RAPH1: variants seen among roughly 807,000 people sequenced by gnomAD.
RAPH1 encodes Ras association (RalGDS/AF-6) and pleckstrin homology domains 1.
A neutral mutation model predicts 88.1 loss-of-function variants in RAPH1; 18 were observed. That is an observed-to-expected ratio of 0.20 (90% confidence interval 0.14 to 0.30). RAPH1 has a LOEUF of 0.30. RAPH1 is among the 10% of genes least tolerant of loss of function. RAPH1 has a pLI of 1.00. For missense variants in RAPH1, 1,448 were observed against 1,543.2 expected, an observed-to-expected ratio of 0.94 and a Z score of 1.03; for synonymous variants, 587 against 559.0, an observed-to-expected ratio of 1.05 and a Z score of -0.71.
chr2:203,529,476 C>G (rs990145023), intron 1 of RAPH1, among the ~76,000 whole-genome samples: 5 of 152,174 alleles, frequency 3.3e-5, no homozygotes, highest in African/African-American at 1.2e-4. Flanking sequence ...ATTCTCCTGC[C>G]TCAGCCTCCT....
chr2:203,448,915 T>C lies in RAPH1; in HGVS notation c.1414-79A>G. The C allele has an allele frequency of 1.1e-6, 1 of 903,316 alleles. No homozygotes were observed. The highest frequency in any genetic ancestry group is 1.7e-6 in the Non-Finnish European group (1 of 583,508). 56.0% of individuals were successfully genotyped at this position (903,316 alleles called of 1,614,324 possible). A position where few individuals can be genotyped will look rare whatever the true frequency, so the allele number is the denominator to read the frequency against. On this transcript the variant is annotated intron_variant, in intron 10 of 13. Transcript: ENST00000319170. This position sits in a 1 kb window ranked among gnomAD's most constrained non-coding sequence, Gnocchi z 4.1. ...CAAACTTTATCAAAGCTTAAACATA[T>C]CCTGACAAGTTATAGGCCATTAGAG...
chr2:203,484,126 A>G (rs1172722874), intron 4 of RAPH1, among the ~76,000 whole-genome samples: 1 of 152,188 alleles, frequency 6.6e-6, no homozygotes, highest in Non-Finnish European at 1.5e-5. Flanking sequence ...ATCCAAATAG[A>G]GATATTGATT....
At chr2:203,457,439 C>T in intron 8 of RAPH1, 91 bp downstream of exon 8, 1 of 979,986 alleles carries the variant, frequency 1.0e-6, no homozygotes, top group South Asian at 1.3e-5. Context: ...TCACCTCAGC[C>T]TCCCGAAGTG....
chr2:203,518,400 T>G (rs1276038199), intron 1 of RAPH1, among the ~76,000 whole-genome samples: 3 of 151,302 alleles, frequency 2.0e-5, no homozygotes, highest in Non-Finnish European at 4.4e-5. Flanking sequence ...CACCTGGAAT[T>G]CCAGCTACTT....
intron 4 of RAPH1, among the ~76,000 whole-genome samples, chr2:203,484,364 C>T (rs965157371): frequency 2.6e-5 from 4 of 152,104 alleles, no homozygotes; most frequent in Non-Finnish European, 4.4e-5. Flanking sequence ...TATTTTGGGC[C>T]AGATAATTAT....
intron 2 of RAPH1, among the ~76,000 whole-genome samples, chr2:203,494,154 C>T (rs1378068477): frequency 6.6e-6 from 1 of 152,078 alleles, no homozygotes; most frequent in Non-Finnish European, 1.5e-5. Context: ...GTAATTTAAG[C>T]TTCCACCTTG....
chr2:203,517,606 A>T (rs1005065105), intron 1 of RAPH1, among the ~76,000 whole-genome samples: 1 of 152,192 alleles, frequency 6.6e-6, no homozygotes, highest in African/African-American at 2.4e-5. Context: ...GACAGATCAC[A>T]TTCTGGACCA....
At chr2:203,493,000 C>T (rs1688340855) in intron 2 of RAPH1, among the ~76,000 whole-genome samples, 1 of 152,120 alleles carries the variant, frequency 6.6e-6, no homozygotes. Flanking sequence ...GTACGTGATA[C>T]AGGTGTACAG....
rs762899148 is a variant in RAPH1 at position 203,438,202 on chromosome 2, T to C, written c.*1235A>G. 7.7e-6 allele frequency: 4 copies of C among 518,280 alleles called. No homozygotes were observed. Among genetic ancestry groups the C allele is most frequent in the African/African-American group, 1.9e-5 (1 of 51,958 alleles). The allele number at this position is 518,280 out of a possible 1,614,324, so 32.1% of individuals were successfully genotyped here. The stretch of plus-strand genomic sequence containing the variant: ...AGGGTCCTGGTAGCCCCAGTAGCTA[T>C]AAATGAAACTGTCTTCCCTCTCCAT... On this transcript the variant is annotated 3_prime_UTR_variant, in exon 14 of 14. Transcript: ENST00000319170.
chr2:203,523,724 C>T (rs192435882), intron 1 of RAPH1, among the ~76,000 whole-genome samples: 7 of 151,936 alleles, frequency 4.6e-5, no homozygotes, highest in East Asian at 1.9e-4. Context: ...AAAAAATACA[C>T]GGCCAGGAGC....
intron 1 of RAPH1, among the ~76,000 whole-genome samples, chr2:203,508,384 C>T (rs191576492): frequency 8.0e-4 from 122 of 152,128 alleles, no homozygotes; most frequent in African/African-American, 2.5e-3. Flanking sequence ...CCGCCTGCCT[C>T]GGCCTCCCAA....
In RAPH1 at chr2:203,440,060, C is replaced by T; in HGVS notation, c.3130G>A (p.Gly1044Arg). ...GVNLPGVLQQ[G>R]CVSAKAPVLS... is the part of the protein sequence containing the mutation. ...ACAGGGGCTTTTGCTGACACACACC[C>T]TTGTTGGAGAACTCCAGGAAGGTTG... The change falls in exon 14 of 14, where the codon GGG (glycine) becomes AGG (arginine). Residue 1044 changes from glycine (G) to arginine (R), a missense_variant. Physicochemically the swap from Gly to Arg is moderately radical, Grantham distance 125. Transcript: ENST00000319170. 6.2e-7 allele frequency: 1 copy of T among 1,613,646 alleles called. No homozygotes were observed. Among genetic ancestry groups the T allele is most frequent in the Non-Finnish European group, 8.5e-7 (1 of 1,180,002 alleles).
chr2:203,470,519 C>T (rs1253810175), intron 4 of RAPH1, among the ~76,000 whole-genome samples: 2 of 152,132 alleles, frequency 1.3e-5, no homozygotes, highest in African/African-American at 2.4e-5. Context: ...AGACATCATC[C>T]GTGCCAGTAG....
rs1486665508 is a variant in RAPH1, at chr2:203,534,505, T to TCCCCCCC, written c.-1+605_-1+606insGGGGGGG. Among the ~76,000 whole-genome samples, 29 of 7,406 alleles carry TCCCCCCC rather than the reference T, an allele frequency of 3.9e-3. 1 individual carries two copies. The highest frequency in any genetic ancestry group is 0.016 in the South Asian group (1 of 64). 4.9% of individuals were successfully genotyped at this position (7,406 alleles called of 152,430 possible). On this transcript the variant is annotated intron_variant, in intron 1 of 13. Transcript: ENST00000319170. ...ACTATCACACTGCCCCCTCCCTCCG[T>TCCCCCCC]CCACCCCCCCCCCCCCCCCATGAAT...
chr2:203,495,961 A>G (rs1688491033), intron 1 of RAPH1, among the ~76,000 whole-genome samples: 1 of 152,240 alleles, frequency 6.6e-6, no homozygotes, highest in South Asian at 2.1e-4. Context: ...CCAAAAAGGA[A>G]ACAGAATTGA....
Position 203,441,247 on chromosome 2 carries a change from G to C in RAPH1, c.1943C>G (p.Pro648Arg), listed in dbSNP as rs760357962. The stretch of plus-strand genomic sequence containing the variant: ...AGAAGGTGCAGACTGGCTGGGGAGT[G>C]GGGGAGGAGGGGGTGGTGGAGGGGG... ...PPPPPPPPPPPLPSQSAPSAG... is the reference protein window; with the variant it reads ...PPPPPPPPPPRLPSQSAPSAG... Residue 648 changes from proline (P) to arginine (R), a missense_variant, in exon 14 of 14, where the codon CCA becomes CGA. Pro to Arg is a moderately radical substitution (Grantham distance 103). Coordinates refer to ENST00000319170, the MANE Select transcript of RAPH1 (RefSeq NM_213589.3). 19 of 1,405,804 alleles carry C rather than the reference G, an allele frequency of 1.4e-5. No individual in the cohort carries two copies. The highest frequency in any genetic ancestry group is 1.3e-4 in the South Asian group (10 of 78,342). 87.1% of individuals were successfully genotyped at this position (1,405,804 alleles called of 1,614,324 possible).
At chr2:203,513,707 C>T (rs1411968453) in intron 1 of RAPH1, among the ~76,000 whole-genome samples, 57 of 149,664 alleles carry the variant, frequency 3.8e-4, no homozygotes, top group African/African-American at 1.0e-3. Flanking sequence ...TGGTGGCAGG[C>T]GCCTATAATA....
chr2:203,445,140 A>C, intron 12 of RAPH1, 130 bp from the exon 13 acceptor site: 1 of 680,284 alleles, frequency 1.5e-6, no homozygotes, highest in Non-Finnish European at 2.3e-6. Context: ...TATTTTACTC[A>C]TTTCATCATA....
chr2:203,526,706 C>CAAAAA (rs34932665), intron 1 of RAPH1, among the ~76,000 whole-genome samples: 23 of 80,492 alleles, frequency 2.9e-4, no homozygotes, highest in East Asian at 4.2e-4. Context: ...AACTCTGTCT[C>CAAAAA]AAAAAAAAAA....
Sources: allele counts gnomAD v4.1 joint callset (sites outside exome capture counted in the v4.1 genomes callset), GRCh38; gene constraint gnomAD v4.1.1; non-coding constraint Gnocchi (gnomAD v3.1); transcripts MANE v1.5; gene names NCBI Gene and HGNC (gene_info 2026-07-23, HGNC 2026-07-21).